FRY: variants seen among roughly 807,000 people sequenced by gnomAD.
FRY encodes the protein FRY microtubule binding protein, also known as protein furry homolog.
Under a neutral mutation model 348.4 loss-of-function variants are expected in FRY, and 128 were observed. The observed-to-expected ratio is 0.37, with a 90% confidence interval of 0.32 to 0.43. FRY has a LOEUF of 0.43. FRY is among the 20% of genes least tolerant of loss of function. The pLI is 1.00. For synonymous variants in FRY, 1,370 were observed against 1,374.7 expected, an observed-to-expected ratio of 1.00 and a Z score of 0.08; for missense variants, 2,736 against 3,695.2, an observed-to-expected ratio of 0.74 and a Z score of 6.73.
At chr13:32,130,638 A>G (rs1388184239) in intron 7 of FRY, among the ~76,000 whole-genome samples, 1 of 152,082 alleles carries the variant, frequency 6.6e-6, no homozygotes, top group Non-Finnish European at 1.5e-5. Flanking sequence ...CATGGATGAT[A>G]ATATTGTTGT....
At chr13:32,144,608 C>A (rs542464010) in intron 11 of FRY, among the ~76,000 whole-genome samples, 1 of 152,010 alleles carries the variant, frequency 6.6e-6, no homozygotes, top group East Asian at 1.9e-4. Flanking sequence ...CTATAAAAAT[C>A]AGTACCTAAA....
chr13:32,255,703 GAT>G (rs930678913), intron 51 of FRY, among the ~76,000 whole-genome samples: 65 of 152,322 alleles, frequency 4.3e-4, no homozygotes, highest in Admixed American at 4.2e-3. Context: ...CATAATAAAT[GAT>G]AGAGAAAGCA....
intron 11 of FRY, among the ~76,000 whole-genome samples, chr13:32,145,526 G>GGTT (rs1395403255): frequency 1.1e-5 from 1 of 91,476 alleles, no homozygotes; most frequent in African/African-American, 4.2e-5. Context: ...TGACTGATTT[G>GGTT]TTTTTTTTTT....
intron 25 of FRY, 40 bp downstream of exon 25, chr13:32,184,731 G>A (rs758327333): frequency 8.5e-7 from 1 of 1,180,008 alleles, no homozygotes; most frequent in Admixed American, 1.7e-5. Context: ...CTTCTCACCA[G>A]ACTGATCTTT....
intron 31 of FRY, among the ~76,000 whole-genome samples, chr13:32,208,028 T>A (rs1884455221): frequency 6.6e-6 from 1 of 152,244 alleles, no homozygotes; most frequent in Admixed American, 6.5e-5. Context: ...GATTATAAAA[T>A]TAAATGCTGC....
At chr13:32,282,993 G>A (rs962908549) in intron 58 of FRY, among the ~76,000 whole-genome samples, 1 of 151,862 alleles carries the variant, frequency 6.6e-6, no homozygotes, top group Non-Finnish European at 1.5e-5. Context: ...ATACAAAAAT[G>A]AGCCGGGCAC....
At chr13:32,197,303 A>G (rs1460723016) in intron 29 of FRY, among the ~76,000 whole-genome samples, 2 of 152,324 alleles carry the variant, frequency 1.3e-5, no homozygotes, top group East Asian at 3.9e-4. Context: ...GCAAACTTGA[A>G]TTCTTAAAAG....
intron 22 of FRY, among the ~76,000 whole-genome samples, chr13:32,179,468 C>T (rs1882566983): frequency 6.9e-6 from 1 of 145,872 alleles, no homozygotes; most frequent in Admixed American, 6.8e-5. Flanking sequence ...ATTTGTGTTC[C>T]AGGTGAGAAT....
intron 1 of FRY, among the ~76,000 whole-genome samples, chr13:32,035,165 G>A (rs1422047479): frequency 2.0e-5 from 3 of 152,106 alleles, no homozygotes; most frequent in East Asian, 1.9e-4. Flanking sequence ...ACTTCAAATC[G>A]GATGTAGACC....
intron 40 of FRY, 26 bp downstream of exon 40, chr13:32,228,680 C>G: frequency 1.9e-6 from 3 of 1,603,458 alleles, no homozygotes; most frequent in Non-Finnish European, 2.6e-6. Flanking sequence ...GAGTCCGCTG[C>G]TGTTTGCAGG....
intron 46 of FRY, among the ~76,000 whole-genome samples, chr13:32,241,114 C>A (rs1194785834): frequency 6.6e-6 from 1 of 152,180 alleles, no homozygotes; most frequent in East Asian, 1.9e-4. Context: ...CCTGTCCCTG[C>A]AAGAGTTAAC....
intron 8 of FRY, among the ~76,000 whole-genome samples, 164 bp downstream of exon 8, chr13:32,132,004 G>A (rs896087373): frequency 3.3e-5 from 5 of 152,056 alleles, no homozygotes; most frequent in South Asian, 2.1e-4. Flanking sequence ...GTACAGTTGC[G>A]GGCACATAAT....
chr13:32,060,582 C>T (rs1343550626), intron 1 of FRY, among the ~76,000 whole-genome samples: 2 of 152,166 alleles, frequency 1.3e-5, no homozygotes, highest in East Asian at 1.9e-4. Context: ...CCCCTAGTTC[C>T]CAGAGCAACA....
intron 1 of FRY, among the ~76,000 whole-genome samples, chr13:32,043,363 G>C (rs1051885765): frequency 1.3e-5 from 2 of 152,160 alleles, no homozygotes; most frequent in African/African-American, 4.8e-5. Flanking sequence ...CTCAACATCT[G>C]TTGTTGTATA....
chr13:32,247,099 A>G (rs2138493783), intron 47 of FRY, among the ~76,000 whole-genome samples: 1 of 152,266 alleles, frequency 6.6e-6, no homozygotes, highest in African/African-American at 2.4e-5. Flanking sequence ...AATTTAGCTG[A>G]AATGGACAAA....
intron 56 of FRY, among the ~76,000 whole-genome samples, chr13:32,275,716 CA>C: frequency 6.6e-6 from 1 of 152,330 alleles, no homozygotes; most frequent in South Asian, 2.1e-4. Flanking sequence ...AAGTCTCTAA[CA>C]GAGAGTTATT....
chr13:32,096,802 CAAAA>C lies in FRY; in HGVS notation c.271-5141_271-5138del, dbSNP rs10680393. ...TGGGTGACAGAGCAAGACTCTGTCT[CAAAA>C]AAAAAAAAAAAAAAAAAAAGATAGT... is the stretch of plus-strand genomic sequence containing the variant. On this transcript the variant is annotated intron_variant, in intron 2 of 60. Coordinates refer to ENST00000542859, the MANE Select transcript of FRY (RefSeq NM_023037.3). Among the ~76,000 whole-genome samples the C allele has an allele frequency of 1.2e-3, 92 of 77,608 alleles. 1 individual carries two copies. In the Middle Eastern group the frequency reaches 0.066, roughly 56 times the overall value. The allele number at this position is 77,608 out of a possible 152,430, so 50.9% of individuals were successfully genotyped here.
At chr13:32,179,431 G>A (rs1168649500) in intron 22 of FRY, among the ~76,000 whole-genome samples, 1 of 151,162 alleles carries the variant, frequency 6.6e-6, no homozygotes, top group Non-Finnish European at 1.5e-5. Flanking sequence ...TTAAAAAGAA[G>A]ACCGTTATAA....
At chr13:32,141,098 C>T (rs1446201542) in intron 11 of FRY, among the ~76,000 whole-genome samples, 3 of 152,084 alleles carry the variant, frequency 2.0e-5, no homozygotes, top group African/African-American at 7.2e-5. Context: ...AAAATAAAGG[C>T]ACATTTCAAA....
Sources: allele counts gnomAD v4.1 joint callset (sites outside exome capture counted in the v4.1 genomes callset), GRCh38; gene constraint gnomAD v4.1.1; transcripts MANE v1.5; gene names NCBI Gene and HGNC (gene_info 2026-07-23, HGNC 2026-07-21).